TOP6BL: variants seen among roughly 807,000 people sequenced by gnomAD.
TOP6BL encodes the protein TOP6B like initiator of meiotic double strand breaks, also known as type 2 DNA topoisomerase 6 subunit B-like.
the TOP6BL span, chr11:66,744,785 G>T: frequency 2.4e-6 from 3 of 1,255,846 alleles, no homozygotes; most frequent in South Asian, 3.3e-5. Flanking sequence ...TCGGGCGTGG[G>T]CACTGGCGGA....
At chr11:66,756,457 C>G in the TOP6BL span, 1 of 1,068,306 alleles carries the variant, frequency 9.4e-7, no homozygotes, top group Admixed American at 4.1e-5. Flanking sequence ...CTCAGTCCCC[C>G]GAGTAGCTGG....
chr11:66,818,596 A>G, the TOP6BL span, among the ~76,000 whole-genome samples: 21 of 152,200 alleles, frequency 1.4e-4, no homozygotes, highest in South Asian at 4.4e-3. Flanking sequence ...ACTGATACCA[A>G]CTTCCTCAAT....
At chr11:66,838,443 C>T in the TOP6BL span, 16 of 1,613,396 alleles carry the variant, frequency 9.9e-6, no homozygotes, top group East Asian at 2.7e-4. Flanking sequence ...GAGCTCCTAG[C>T]AGGTAAGGTT....
chr11:66,766,766 A>T, the TOP6BL span, among the ~76,000 whole-genome samples: 1,887 of 152,324 alleles, frequency 0.012, 39 homozygotes, highest in African/African-American at 0.043. Context: ...TTGATCACTG[A>T]CATGTCTCCT....
At chr11:66,770,036 C>T in the TOP6BL span, among the ~76,000 whole-genome samples, 4 of 151,946 alleles carry the variant, frequency 2.6e-5, no homozygotes, top group East Asian at 3.9e-4. Flanking sequence ...TGAGCCACCA[C>T]GGCTGGCCTG....
At chr11:66,783,468 T>A in the TOP6BL span, among the ~76,000 whole-genome samples, 24 of 152,370 alleles carry the variant, frequency 1.6e-4, no homozygotes, top group African/African-American at 5.8e-4. Context: ...CTGGATCATC[T>A]TCTGACATTT....
At chr11:66,797,723 T>G in the TOP6BL span, among the ~76,000 whole-genome samples, 2 of 152,196 alleles carry the variant, frequency 1.3e-5, no homozygotes, top group African/African-American at 4.8e-5. Context: ...CAAGCTGATC[T>G]TGAACTCCTA....
At chr11:66,757,718 C>G in the TOP6BL span, among the ~76,000 whole-genome samples, 1 of 152,120 alleles carries the variant, frequency 6.6e-6, no homozygotes. Flanking sequence ...TCCCAAGTAG[C>G]TGGGATTACA....
the TOP6BL span, chr11:66,843,117 G>C: frequency 3.7e-6 from 6 of 1,601,736 alleles, no homozygotes; most frequent in South Asian, 3.3e-5. Context: ...GGAGGTGCAG[G>C]CCACGGGCCG....
At chr11:66,763,490 A>ATTC in the TOP6BL span, among the ~76,000 whole-genome samples, 1 of 152,128 alleles carries the variant, frequency 6.6e-6, no homozygotes, top group Admixed American at 6.5e-5. Context: ...TATTATTATT[A>ATTC]TTAGAGATGA....
chr11:66,827,383 C>T, the TOP6BL span, among the ~76,000 whole-genome samples: 1 of 152,152 alleles, frequency 6.6e-6, no homozygotes, highest in Admixed American at 6.5e-5. Flanking sequence ...TTTTCTCATC[C>T]ATAAAATTAG....
the TOP6BL span, chr11:66,788,168 T>A: frequency 6.2e-7 from 1 of 1,612,282 alleles, no homozygotes. Flanking sequence ...AGAAATACAG[T>A]CCATACTGCC....
chr11:66,749,623 G>A, the TOP6BL span, among the ~76,000 whole-genome samples: 2 of 152,172 alleles, frequency 1.3e-5, no homozygotes, highest in Admixed American at 1.3e-4. Flanking sequence ...AGGCTGGAGT[G>A]GCGCAATCTG....
the TOP6BL span, chr11:66,822,517 C>A: frequency 7.9e-7 from 1 of 1,267,186 alleles, no homozygotes; most frequent in Non-Finnish European, 1.1e-6. Context: ...CTCTAAACCA[C>A]ATCTTGGGAT....
At chr11:66,834,628 C>CAGAGTGAAT in the TOP6BL span, among the ~76,000 whole-genome samples, 1 of 151,958 alleles carries the variant, frequency 6.6e-6, no homozygotes, top group African/African-American at 2.4e-5. Context: ...TCAGAGTGAA[C>CAGAGTGAAT]ATATTCAGGG....
the TOP6BL span, chr11:66,771,147 C>T: frequency 6.6e-6 from 1 of 150,966 alleles, no homozygotes; most frequent in Admixed American, 6.6e-5. Context: ...CCAAATGGCA[C>T]TTCTTCTGGA....
the TOP6BL span, among the ~76,000 whole-genome samples, chr11:66,780,605 A>G: frequency 6.6e-6 from 1 of 151,962 alleles, no homozygotes; most frequent in African/African-American, 2.4e-5. Flanking sequence ...TTGGAGACAG[A>G]GTCTCACTCT....
the TOP6BL span, among the ~76,000 whole-genome samples, chr11:66,792,366 A>G: frequency 6.6e-6 from 1 of 152,316 alleles, no homozygotes; most frequent in Non-Finnish European, 1.5e-5. Context: ...ATTTATTTTT[A>G]TAAGCCCAGG....
At chr11:66,827,231 G>A in the TOP6BL span, among the ~76,000 whole-genome samples, 1 of 150,890 alleles carries the variant, frequency 6.6e-6, no homozygotes, top group Non-Finnish European at 1.5e-5. Context: ...TGTATTTTCA[G>A]TAGAGACAGG....
Sources: gnomAD v4.1 joint callset for allele counts (sites outside exome capture counted in the v4.1 genomes callset) on GRCh38, gnomAD v4.1.1 for gene constraint, MANE v1.5 for transcripts, NCBI Gene and HGNC (gene_info 2026-07-23, HGNC 2026-07-21) for gene names.